NSD2: variants seen among roughly 807,000 people sequenced by gnomAD.
NSD2 encodes the protein histone-lysine N-methyltransferase NSD2.
In NSD2, 12 loss-of-function variants were observed where a neutral mutation model predicts 139.0. The observed-to-expected ratio is 0.09, with a 90% CI of 0.06 to 0.14. The LOEUF (loss-of-function observed/expected upper bound fraction) is 0.14, where lower values mean the gene tolerates loss of function less well. NSD2 is among the 10% of genes least tolerant of loss of function. The pLI, the probability that NSD2 is intolerant of heterozygous loss-of-function variation, is 1.00. For missense variants in NSD2, 1,155 were observed against 1,745.0 expected (o/e 0.66, Z 6.02); for synonymous variants, 669 against 648.7 (o/e 1.03, Z -0.48).
At chr4:1,906,153 C>G (rs1717871740) in intron 3 of NSD2, among the ~76,000 whole-genome samples, 2 of 152,152 alleles carry the variant, frequency 1.3e-5, no homozygotes, top group Non-Finnish European at 2.9e-5. Context: ...TTATATGATG[C>G]CATGTTTAGC....
At chr4:1,944,202 T>C in intron 9 of NSD2, 2 of 1,066,032 alleles carry the variant, frequency 1.9e-6, no homozygotes, top group Non-Finnish European at 2.3e-6. Context: ...CCACTTCAGA[T>C]GCCAGGAGTG....
chr4:1,978,966 G>A lies in NSD2; in HGVS notation c.*57G>A. 2 of 1,441,586 alleles carry A rather than the reference G, an allele frequency of 1.4e-6. No homozygotes were observed. Among genetic ancestry groups the A allele is most frequent in the Non-Finnish European group, 1.8e-6 (2 of 1,095,876 alleles). 89.3% of individuals were successfully genotyped at this position (1,441,586 alleles called of 1,614,324 possible). On this transcript the variant is annotated 3_prime_UTR_variant, in exon 22 of 22. Coordinates refer to ENST00000508803, the MANE Select transcript of NSD2 (RefSeq NM_001042424.3). ...CGGTGCAGGGCGGCCGGCCCTGCCT[G>A]CGGGAGAGGGCGAGCATGAACTGGC...
intron 9 of NSD2, chr4:1,944,178 G>A: frequency 9.4e-7 from 1 of 1,066,270 alleles, no homozygotes. Context: ...AGTCCCATGT[G>A]TGGCAGCATT....
rs545466140 is a variant in NSD2 at position 1,951,262 on chromosome 4, G to A, written c.2013+59G>A. ...TGGTGTCTGACTGGGGCCCCGGTACGCAGAGCGAATTTGTAGTGTCTTTTC... is the reference window on the plus strand; with the variant it reads ...TGGTGTCTGACTGGGGCCCCGGTACACAGAGCGAATTTGTAGTGTCTTTTC... On this transcript the variant is annotated intron_variant, in intron 10 of 21. Transcript: ENST00000508803. 1.0e-4 allele frequency: 165 copies of A among 1,606,866 alleles called. 3 individuals are homozygous for A. The South Asian group carries it at 1.7e-3, about 16-fold the overall frequency.
At chr4:1,905,438 C>T (rs983757203) in intron 3 of NSD2, among the ~76,000 whole-genome samples, 19 of 152,226 alleles carry the variant, frequency 1.2e-4, no homozygotes, top group African/African-American at 4.3e-4. Flanking sequence ...CTCTTATGGC[C>T]CCTTGGTGGT....
At position 1,925,778 on chromosome 4, in the gene NSD2, TTTTGTTTG is replaced by T. The variant is rs531826079; in HGVS notation, c.1411-4828_1411-4821del. On this transcript the variant is annotated intron_variant, in intron 5 of 21. Transcript: ENST00000508803. Reference sequence around the variant, plus strand: ...TTTATATATCTATATATATATTTTTTTTTGTTTGTTTGTTTGTTTGTTTGTTTTTGTTT... The same window carrying T: ...TTTATATATCTATATATATATTTTTTTTTGTTTGTTTGTTTGTTTTTGTTT... 1.5e-4 allele frequency among the ~76,000 whole-genome samples: 22 copies of T among 151,164 alleles called. No homozygotes were observed. The East Asian group carries it at 1.6e-3, about 11-fold the overall frequency.
rs554201689 is a variant in NSD2, at chr4:1,973,992, C to T, written c.3373-871C>T. Among the ~76,000 whole-genome samples, 3 of 152,264 alleles carry T rather than the reference C, an allele frequency of 2.0e-5. No homozygotes were observed. The highest frequency in any genetic ancestry group is 4.1e-4 in the South Asian group (2 of 4,822). ...TGAGTGGGTCAGTTCTAGGCCACAT[C>T]GTGCTTGCATTTGTGATTCCCGTGG... On this transcript the variant is annotated intron_variant, in intron 18 of 21. Transcript: ENST00000508803. This position sits in a 1 kb window ranked among gnomAD's most constrained non-coding sequence, Gnocchi z 5.5.
At chr4:1,947,394 CTG>C (rs892763322) in intron 9 of NSD2, 3 of 1,060,868 alleles carry the variant, frequency 2.8e-6, no homozygotes, top group African/African-American at 3.3e-5. Context: ...TAGAAGACGA[CTG>C]TGGTGTGCAG....
Position 1,981,579 on chromosome 4 carries a change from GTCACCTGT to G in NSD2, c.*2671_*2678del. On this transcript the variant is annotated 3_prime_UTR_variant, in exon 22 of 22. Transcript: ENST00000508803. ...GTCCGAATGGGCAGCTTAAAATGTG[GTCACCTGT>G]GGGGGAAACTCTTCAGGCACCTGAA... 5.7e-6 allele frequency: 2 copies of G among 349,076 alleles called. No individual in the cohort carries two copies. The highest frequency in any genetic ancestry group is 1.0e-5 in the Non-Finnish European group (2 of 194,848). The allele number at this position is 349,076 out of a possible 1,614,324, so 21.6% of individuals were successfully genotyped here. A position where few individuals can be genotyped will look rare whatever the true frequency, so the allele number is the denominator to read the frequency against.
At chr4:1,924,405 G>T (rs958206280) in intron 5 of NSD2, among the ~76,000 whole-genome samples, 1 of 152,050 alleles carries the variant, frequency 6.6e-6, no homozygotes, top group Admixed American at 6.6e-5. Context: ...TTGCTCGGCT[G>T]TGTCTCTACA....
chr4:1,909,999 G>T (rs982820050), intron 3 of NSD2, among the ~76,000 whole-genome samples: 1 of 151,862 alleles, frequency 6.6e-6, no homozygotes, highest in African/African-American at 2.4e-5. Context: ...GTTTGAATCC[G>T]TGTATCTTAG....
intron 1 of NSD2, among the ~76,000 whole-genome samples, chr4:1,872,585 TGTGTGTGAGAGAGAGAGAGAGA>T (rs1311575378): frequency 5.3e-5 from 3 of 56,526 alleles, no homozygotes; most frequent in African/African-American, 1.7e-4. Context: ...TGTGTGTGTG[TGTGTGTGAGAGAGAGAGAGAGA>T]GAGAGAGAGA....
At chr4:1,951,511 CACACACACACACAA>C (rs1191876002) in intron 10 of NSD2, among the ~76,000 whole-genome samples, 90 of 126,114 alleles carry the variant, frequency 7.1e-4, no homozygotes, top group Non-Finnish European at 1.2e-3. Context: ...CACACACACA[CACACACACACACAA>C]AGTTCCTGTT....
rs116806221 is a variant in NSD2 at position 1,929,955 on chromosome 4, C to T, written c.1411-671C>T. Among the ~76,000 whole-genome samples, 1,282 of 152,236 alleles carry T rather than the reference C, an allele frequency of 8.4e-3. 18 individuals are homozygous for T. The highest frequency in any genetic ancestry group is 0.03 in the African/African-American group (1,226 of 41,542). Reference sequence around the variant, plus strand: ...CCAGGATCAGACTTCGGTGTGTCTGCGGATCATCCTAGAGACCTTGTGAAA... The same window carrying T: ...CCAGGATCAGACTTCGGTGTGTCTGTGGATCATCCTAGAGACCTTGTGAAA... On this transcript the variant is annotated intron_variant, in intron 5 of 21. Transcript: ENST00000508803.
chr4:1,980,873 A>C lies in NSD2; in HGVS notation c.*1964A>C, dbSNP rs1289708549. 4.3e-6 allele frequency: 1 copy of C among 233,162 alleles called. No individual in the cohort carries two copies. Among genetic ancestry groups the C allele is most frequent in the Non-Finnish European group, 8.5e-6 (1 of 118,044 alleles). The allele number at this position is 233,162 out of a possible 1,614,324, so 14.4% of individuals were successfully genotyped here. A position where few individuals can be genotyped will look rare whatever the true frequency, so the allele number is the denominator to read the frequency against. On this transcript the variant is annotated 3_prime_UTR_variant, in exon 22 of 22. Coordinates refer to ENST00000508803, the MANE Select transcript of NSD2 (RefSeq NM_001042424.3). Reference sequence around the variant, plus strand: ...TCCTAAGAAAATACTGGATCGGCTCATAGATTTATGCTCCTTATGATGCCC... The same window carrying C: ...TCCTAAGAAAATACTGGATCGGCTCCTAGATTTATGCTCCTTATGATGCCC...
chr4:1,961,270 T>G (rs1725338998), intron 18 of NSD2, 119 bp downstream of exon 18: 2 of 776,810 alleles, frequency 2.6e-6, no homozygotes, highest in Admixed American at 4.7e-5. Context: ...TAGCTGCTTA[T>G]TTTCAAACAT....
At chr4:1,949,185 G>A (rs1033062533) in intron 9 of NSD2, among the ~76,000 whole-genome samples, 1 of 152,226 alleles carries the variant, frequency 6.6e-6, no homozygotes, top group Non-Finnish European at 1.5e-5. Context: ...CTCAGAGCAC[G>A]TCAAGTGGCC....
chr4:1,931,596 C>G (rs1721640820), intron 6 of NSD2, among the ~76,000 whole-genome samples: 1 of 152,080 alleles, frequency 6.6e-6, no homozygotes, highest in Admixed American at 6.5e-5. Flanking sequence ...TAAAGTGTTT[C>G]AAGACTCACC....
In NSD2 at chr4:1,976,756, C is replaced by G. The variant is rs920936783; in HGVS notation, c.3826+77C>G. On this transcript the variant is annotated intron_variant, in intron 21 of 21. Transcript: ENST00000508803. The surrounding 1 kb of genome is among the most constrained non-coding windows in gnomAD (Gnocchi z 5.3). ...CTGATGGCGGCTGCTGCCGCTCTTC[C>G]TGCTGACCGGGCCTCATCTGGGTGC... 3 of 1,461,680 alleles carry G rather than the reference C, an allele frequency of 2.1e-6. No homozygotes were observed. Among genetic ancestry groups the G allele is most frequent in the South Asian group, 2.6e-5 (2 of 75,998 alleles). The allele number at this position is 1,461,680 out of a possible 1,614,324, so 90.5% of individuals were successfully genotyped here. A position where few individuals can be genotyped will look rare whatever the true frequency, so the allele number is the denominator to read the frequency against.
Sources: allele counts gnomAD v4.1 joint callset (sites outside exome capture counted in the v4.1 genomes callset), GRCh38; gene constraint gnomAD v4.1.1; non-coding constraint Gnocchi (gnomAD v3.1); transcripts MANE v1.5; gene names NCBI Gene and HGNC (gene_info 2026-07-23, HGNC 2026-07-21).